The following ATXN7L1 variants were observed in gnomAD, a reference collection of about 807,000 sequenced individuals.
ATXN7L1 encodes the protein ataxin-7-like protein 1.
In ATXN7L1, 15 loss-of-function variants were observed where a neutral mutation model predicts 70.8. That is an observed-to-expected ratio of 0.21 (90% CI 0.14 to 0.33). The LOEUF (loss-of-function observed/expected upper bound fraction) is 0.33, where lower values mean the gene tolerates loss of function less well. ATXN7L1 is among the 10% of genes least tolerant of loss of function. The probability of loss-of-function intolerance (pLI) is 1.00; values close to 1 mark genes in which losing one functional copy is unlikely to be tolerated. For missense variants in ATXN7L1, 975 were observed against 1,097.1 expected (o/e 0.89, Z 1.57); for synonymous variants, 440 against 445.1 (o/e 0.99, Z 0.14).
intron 3 of ATXN7L1, among the ~76,000 whole-genome samples, chr7:105,681,242 T>C (rs1173892761): frequency 6.6e-6 from 1 of 152,108 alleles, no homozygotes; most frequent in African/African-American, 2.4e-5. Flanking sequence ...CTGGCCAATA[T>C]GTTGAAACCC....
Position 105,614,726 on chromosome 7 carries a change from G to A in ATXN7L1, c.1608C>T (p.Ser536=). ...PVPASVLQPF[S]NPSAVYLPSA... ...AAGGAAGATACACAGCACTGGGGTT[G>A]CTGAAAGGCTGCAAAACGGATGCTG... is the stretch of plus-strand genomic sequence containing the variant. The change falls in exon 10 of 12, where the codon AGC becomes AGT. Residue 536 remains serine, a synonymous_variant. Transcript: ENST00000419735. The surrounding 1 kb of genome is among the most constrained non-coding windows in gnomAD (Gnocchi z 4.3). 1 of 1,551,774 alleles carries A rather than the reference G, an allele frequency of 6.4e-7. No homozygotes were observed.
chr7:105,699,443 T>G (rs1792166880), intron 3 of ATXN7L1, among the ~76,000 whole-genome samples: 1 of 152,230 alleles, frequency 6.6e-6, no homozygotes, highest in Non-Finnish European at 1.5e-5. Context: ...TTCCACTGTA[T>G]TTTGATTTCT....
At chr7:105,643,891 G>C (rs968684166) in intron 4 of ATXN7L1, among the ~76,000 whole-genome samples, 1 of 152,222 alleles carries the variant, frequency 6.6e-6, no homozygotes, top group Admixed American at 6.5e-5. Flanking sequence ...TATGGGATGT[G>C]CATTTGATTT....
chr7:105,679,086 G>A, intron 3 of ATXN7L1: 1 of 986,058 alleles, frequency 1.0e-6, no homozygotes, highest in Non-Finnish European at 1.2e-6. Context: ...GTTTGGATAA[G>A]GAGGCTGACA....
chr7:105,608,741 C>A (rs1368871580), intron 11 of ATXN7L1, among the ~76,000 whole-genome samples: 1 of 152,136 alleles, frequency 6.6e-6, no homozygotes, highest in Non-Finnish European at 1.5e-5. Flanking sequence ...CCTGGGGATA[C>A]AAAAACCATT....
chr7:105,858,498 T>G (rs1205708210), intron 2 of ATXN7L1, among the ~76,000 whole-genome samples: 1 of 152,186 alleles, frequency 6.6e-6, no homozygotes, highest in African/African-American at 2.4e-5. Context: ...GCCCAGAGGA[T>G]TCCACAAAAT....
At chr7:105,821,122 C>T (rs1043688272) in intron 2 of ATXN7L1, among the ~76,000 whole-genome samples, 4 of 152,170 alleles carry the variant, frequency 2.6e-5, no homozygotes, top group Non-Finnish European at 4.4e-5. Flanking sequence ...TCAATGCAAC[C>T]TCTGCCTCCC....
chr7:105,808,414 G>A (rs1807924876), intron 2 of ATXN7L1, among the ~76,000 whole-genome samples: 1 of 152,162 alleles, frequency 6.6e-6, no homozygotes, highest in Admixed American at 6.5e-5. Flanking sequence ...CAGAGAGGCG[G>A]AAAAATGAAT....
chr7:105,712,813 C>A (rs918365445), intron 3 of ATXN7L1, among the ~76,000 whole-genome samples: 12 of 152,200 alleles, frequency 7.9e-5, no homozygotes, highest in African/African-American at 2.7e-4. Flanking sequence ...CTGAGCCCTC[C>A]AAACTGTTCC....
intron 4 of ATXN7L1, among the ~76,000 whole-genome samples, chr7:105,662,027 TTTC>T (rs1801712451): frequency 8.2e-5 from 4 of 48,848 alleles, no homozygotes; most frequent in Non-Finnish European, 1.5e-4. Context: ...TCTTTCTTTC[TTTC>T]CTTCCTTCCT....
intron 2 of ATXN7L1, among the ~76,000 whole-genome samples, chr7:105,847,166 C>A (rs761001422): frequency 1.3e-5 from 2 of 152,166 alleles, no homozygotes; most frequent in Admixed American, 6.5e-5. Context: ...CAGGGTGAGC[C>A]AAGCGTCACA....
chr7:105,733,605 C>CCCATCCATCCAT lies in ATXN7L1; in HGVS notation c.355+54987_355+54998dup, dbSNP rs1563048921. 3.1e-4 allele frequency among the ~76,000 whole-genome samples: 4 copies of CCCATCCATCCAT among 13,022 alleles called. 1 individual carries two copies. The highest frequency in any genetic ancestry group is 1.0e-3 in the African/African-American group (4 of 3,966). The allele number at this position is 13,022 out of a possible 152,430, so 8.5% of individuals were successfully genotyped here. On this transcript the variant is annotated intron_variant, in intron 3 of 11. Transcript: ENST00000419735. ...ACCCATCCATCCATCCATCCATCCACCCATCCATCCATCCATCCATCCATC... is the reference window on the plus strand; with the variant it reads ...ACCCATCCATCCATCCATCCATCCACCCATCCATCCATCCATCCATCCATCCATCCATCCATC...
intron 2 of ATXN7L1, among the ~76,000 whole-genome samples, chr7:105,794,362 C>T (rs1044372224): frequency 6.6e-6 from 1 of 152,212 alleles, no homozygotes; most frequent in African/African-American, 2.4e-5. Flanking sequence ...TGCAATTCTT[C>T]CCAACTCTGC....
rs571979308 is a variant in ATXN7L1, at chr7:105,862,920, T to C, written c.250+12892A>G. ...CAAAGGATCCTCTTTGTCACTGCCC[T>C]CTCAGAGACAGTGACAACTAGGGCA... On this transcript the variant is annotated intron_variant, in intron 2 of 11. Transcript: ENST00000419735. Among the ~76,000 whole-genome samples, 35 of 152,178 alleles carry C rather than the reference T, an allele frequency of 2.3e-4. No homozygotes were observed. In the East Asian group the frequency reaches 6.4e-3, roughly 28 times the overall value.
intron 2 of ATXN7L1, among the ~76,000 whole-genome samples, chr7:105,794,717 T>A (rs1805741249): frequency 6.6e-6 from 1 of 152,166 alleles, no homozygotes; most frequent in African/African-American, 2.4e-5. Flanking sequence ...GGTAAACAAG[T>A]TGATCACCTC....
intron 3 of ATXN7L1, among the ~76,000 whole-genome samples, chr7:105,744,657 A>G (rs1163891059): frequency 6.6e-6 from 1 of 152,058 alleles, no homozygotes; most frequent in East Asian, 1.9e-4. Flanking sequence ...TAAAAACATG[A>G]AGGCCATGAA....
At chr7:105,802,667 C>G (rs920203731) in intron 2 of ATXN7L1, among the ~76,000 whole-genome samples, 2 of 152,156 alleles carry the variant, frequency 1.3e-5, no homozygotes, top group Admixed American at 1.3e-4. Flanking sequence ...TCTTGCTTAC[C>G]AGGAAAAACA....
At chr7:105,765,610 T>G (rs1028336749) in intron 3 of ATXN7L1, among the ~76,000 whole-genome samples, 3 of 152,150 alleles carry the variant, frequency 2.0e-5, no homozygotes, top group African/African-American at 7.2e-5. Flanking sequence ...TGGGAAAACA[T>G]AAAAGGAAAT....
intron 3 of ATXN7L1, among the ~76,000 whole-genome samples, chr7:105,733,934 A>T (rs1797093070): frequency 1.1e-5 from 1 of 88,764 alleles, no homozygotes; most frequent in African/African-American, 4.2e-5. Flanking sequence ...ATCATCCATC[A>T]TCCATCCATC....
Sources: gnomAD v4.1 joint callset for allele counts (sites outside exome capture counted in the v4.1 genomes callset) on GRCh38, gnomAD v4.1.1 for gene constraint, Gnocchi (gnomAD v3.1) non-coding constraint, MANE v1.5 for transcripts, NCBI Gene and HGNC (gene_info 2026-07-23, HGNC 2026-07-21) for gene names.